Variants in LPCAT1 observed in about 807,000 individuals in gnomAD.
The protein encoded by LPCAT1 is 1-acylglycerol-3-phosphate O-acyltransferase.
LPCAT1 carries 23 observed loss-of-function variants against 60.9 expected under a neutral mutation model. That is an observed-to-expected ratio of 0.38 (90% confidence interval 0.27 to 0.53). The LOEUF is 0.53. Ranked by LOEUF, LPCAT1 falls within the 20% of genes least tolerant of loss-of-function variation. The probability of loss-of-function intolerance (pLI) is 0.82; values close to 1 mark genes in which losing one functional copy is unlikely to be tolerated. For synonymous variants in LPCAT1, 340 were observed against 301.1 expected (o/e 1.13, Z -1.34); for missense variants, 622 against 723.6 (o/e 0.86, Z 1.61).
At chr5:1,514,086 C>A (rs1235294705) in intron 1 of LPCAT1, among the ~76,000 whole-genome samples, 2 of 152,232 alleles carry the variant, frequency 1.3e-5, no homozygotes, top group Non-Finnish European at 2.9e-5. Flanking sequence ...CCAATGAGAA[C>A]GGGGCCAGAT....
At chr5:1,511,694 T>C (rs528244736) in intron 1 of LPCAT1, among the ~76,000 whole-genome samples, 1 of 152,348 alleles carries the variant, frequency 6.6e-6, no homozygotes, top group East Asian at 1.9e-4. Flanking sequence ...ACAGAGCTGC[T>C]TCCTGCAGAC....
chr5:1,488,365 A>T, intron 5 of LPCAT1, 26 bp downstream of exon 5: 7 of 1,464,712 alleles, frequency 4.8e-6, no homozygotes, highest in Non-Finnish European at 6.6e-6. Context: ...CTAGGAGAAA[A>T]ATAAACATTT....
Position 1,474,262 on chromosome 5 carries a change from C to G in LPCAT1, c.1026-152G>C, listed in dbSNP as rs552463556. The G allele has an allele frequency of 5.2e-6, 5 of 953,344 alleles. No individual in the cohort carries two copies. The South Asian group carries it at 7.0e-5, about 13-fold the overall frequency. The allele number at this position is 953,344 out of a possible 1,614,324, so 59.1% of individuals were successfully genotyped here. On this transcript the variant is annotated intron_variant, in intron 10 of 13. Coordinates refer to ENST00000283415, the MANE Select transcript of LPCAT1 (RefSeq NM_024830.5). ...AAGGCATTCTCCTAATTGGAAGGTG[C>G]GAGATGTGTTCTGTCCAAGTGTCAA...
intron 3 of LPCAT1, among the ~76,000 whole-genome samples, chr5:1,490,168 A>C (rs1342474593): frequency 6.6e-6 from 1 of 152,204 alleles, no homozygotes; most frequent in Non-Finnish European, 1.5e-5. Flanking sequence ...AGGAAGCAGA[A>C]AGTCTTTAGA....
Position 1,481,800 on chromosome 5 carries a change from G to A in LPCAT1, c.727-824C>T, listed in dbSNP as rs1009706148. Among the ~76,000 whole-genome samples the A allele has an allele frequency of 6.6e-6, 1 of 152,258 alleles. No individual in the cohort carries two copies. Among genetic ancestry groups the A allele is most frequent in the African/African-American group, 2.4e-5 (1 of 41,468 alleles). On this transcript the variant is annotated intron_variant, in intron 6 of 13. Transcript: ENST00000283415. The surrounding 1 kb of genome is among the most constrained non-coding windows in gnomAD (Gnocchi z 7.8). ...CCAGGAGCCTGGCTGACAAACGCAC[G>A]CCTCAGTAAGAAGGAAGAGGTCTTT...
chr5:1,488,975 G>A (rs1735470237), intron 4 of LPCAT1, among the ~76,000 whole-genome samples: 1 of 152,212 alleles, frequency 6.6e-6, no homozygotes, highest in Admixed American at 6.5e-5. Flanking sequence ...CAATTCCTCT[G>A]ACTCACACTG....
intron 2 of LPCAT1, among the ~76,000 whole-genome samples, chr5:1,498,943 CCT>C (rs1735909220): frequency 7.0e-6 from 1 of 142,398 alleles, no homozygotes; most frequent in African/African-American, 2.5e-5. Context: ...ACATACACAC[CCT>C]CTCTGCACAC....
chr5:1,494,662 G>T (rs1316794287), intron 3 of LPCAT1, 38 bp downstream of exon 3: 1 of 1,580,914 alleles, frequency 6.3e-7, no homozygotes, highest in Non-Finnish European at 8.7e-7. Flanking sequence ...TCCCAGCAGG[G>T]CAGGGTCCCT....
In LPCAT1 at chr5:1,481,992, C is replaced by T. The variant is rs192952147; in HGVS notation, c.727-1016G>A. Among the ~76,000 whole-genome samples the T allele has an allele frequency of 3.3e-5, 5 of 152,340 alleles. No homozygotes were observed. The highest frequency in any genetic ancestry group is 6.5e-5 in the Admixed American group (1 of 15,308). On this transcript the variant is annotated intron_variant, in intron 6 of 13. Coordinates refer to ENST00000283415, the MANE Select transcript of LPCAT1 (RefSeq NM_024830.5). The surrounding 1 kb of genome is among the most constrained non-coding windows in gnomAD (Gnocchi z 7.8). The stretch of plus-strand genomic sequence containing the variant: ...TTCTGCCCCACTATGTCCTGACCCA[C>T]GGGGGTTTTCTTTCAGTGCTTTCCT...
intron 3 of LPCAT1, among the ~76,000 whole-genome samples, chr5:1,492,775 C>T (rs1215265766): frequency 1.3e-5 from 2 of 152,162 alleles, no homozygotes; most frequent in Non-Finnish European, 2.9e-5. Flanking sequence ...AACACTCCTT[C>T]GTGTTGGTGA....
intron 1 of LPCAT1, among the ~76,000 whole-genome samples, chr5:1,511,259 C>T (rs769351051): frequency 6.6e-6 from 1 of 152,218 alleles, no homozygotes; most frequent in African/African-American, 2.4e-5. Flanking sequence ...GTTGACCTCC[C>T]CGGCGCGCGC....
chr5:1,483,566 G>A lies in LPCAT1; in HGVS notation c.668-80C>T. 1 of 1,461,296 alleles carries A rather than the reference G, an allele frequency of 6.8e-7. No homozygotes were observed. Among genetic ancestry groups the A allele is most frequent in the Non-Finnish European group, 9.5e-7 (1 of 1,052,250 alleles). 90.5% of individuals were successfully genotyped at this position (1,461,296 alleles called of 1,614,324 possible). A position where few individuals can be genotyped will look rare whatever the true frequency, so the allele number is the denominator to read the frequency against. On this transcript the variant is annotated intron_variant, in intron 5 of 13. Transcript: ENST00000283415. The surrounding 1 kb of genome is among the most constrained non-coding windows in gnomAD (Gnocchi z 9.2). ...TGCTGCGTTTCTCATGCTGCCCTTG[G>A]GATAAAAGTGAGCTTTTCTGTCTAG...
intron 4 of LPCAT1, among the ~76,000 whole-genome samples, chr5:1,488,956 C>T (rs867052263): frequency 6.6e-6 from 1 of 152,240 alleles, no homozygotes; most frequent in Non-Finnish European, 1.5e-5. Flanking sequence ...ACCCTCCACA[C>T]CGGGGTTTCA....
At chr5:1,497,851 C>A (rs1735850391) in intron 2 of LPCAT1, among the ~76,000 whole-genome samples, 1 of 152,234 alleles carries the variant, frequency 6.6e-6, no homozygotes, top group South Asian at 2.1e-4. Context: ...GGGCACCATC[C>A]ATCTGAACCA....
chr5:1,513,308 C>G (rs61433796), intron 1 of LPCAT1, among the ~76,000 whole-genome samples: 10,699 of 152,190 alleles, frequency 0.07, 1,235 homozygotes, highest in African/African-American at 0.24. Flanking sequence ...CTACATATGA[C>G]GTCCCCCATG....
At chr5:1,472,807 G>A (rs1027867157) in intron 11 of LPCAT1, among the ~76,000 whole-genome samples, 5 of 152,080 alleles carry the variant, frequency 3.3e-5, no homozygotes, top group Admixed American at 1.3e-4. Context: ...GGCCCCTTAC[G>A]GACACTAGGC....
In LPCAT1 at chr5:1,486,105, T is replaced by C. The variant is rs542610523; in HGVS notation, c.667+2286A>G. ...GGTACCCAGTCAGCCGATCCTGCTC[T>C]AGTGCCCTCTGACAAGGAGGGTGAG... is the stretch of plus-strand genomic sequence containing the variant. On this transcript the variant is annotated intron_variant, in intron 5 of 13. Transcript: ENST00000283415. Among the ~76,000 whole-genome samples, 14 of 152,270 alleles carry C rather than the reference T, an allele frequency of 9.2e-5. 1 individual carries two copies. The highest frequency in any genetic ancestry group is 3.4e-4 in the African/African-American group (14 of 41,558).
rs1352768085 is a variant in LPCAT1 at position 1,501,570 on chromosome 5, G to A, written c.169C>T (p.Arg57Trp). 2 of 1,613,908 alleles carry A rather than the reference G, an allele frequency of 1.2e-6. No individual in the cohort carries two copies. Among genetic ancestry groups the A allele is most frequent in the Non-Finnish European group, 1.7e-6 (2 of 1,179,878 alleles). ...ATCATGGCAGCGGCAACCAGGAGCC[G>A]GACCGGGAAGAGCGTCAGTGTCATG... Reference protein sequence around the residue: ...ALMTLTLFPVRLLVAAAMMLL... With the variant: ...ALMTLTLFPVWLLVAAAMMLL... Residue 57 changes from arginine (R) to tryptophan (W), a missense_variant, in exon 2 of 14, where the codon CGG (arginine) becomes TGG (tryptophan). Physicochemically the swap from Arg to Trp is moderately radical, Grantham distance 101. Around this residue, in one of 3 missense-constraint regions of LPCAT1, gnomAD observed 125 missense variants for 114.5 expected, o/e 1.09. Coordinates refer to ENST00000283415, the MANE Select transcript of LPCAT1 (RefSeq NM_024830.5).
Position 1,477,309 on chromosome 5 carries a change from T to G in LPCAT1, c.899+95A>C, listed in dbSNP as rs1001220169. 1 of 1,049,988 alleles carries G rather than the reference T, an allele frequency of 9.5e-7. No homozygotes were observed. Among genetic ancestry groups the G allele is most frequent in the African/African-American group, 1.6e-5 (1 of 63,304 alleles). 65.0% of individuals were successfully genotyped at this position (1,049,988 alleles called of 1,614,324 possible). A position where few individuals can be genotyped will look rare whatever the true frequency, so the allele number is the denominator to read the frequency against. ...GTTCCCGCACTTCTGCAAGAATGCC[T>G]TTTCCTAACGCTGTTGCCTATTTTA... is the stretch of plus-strand genomic sequence containing the variant. On this transcript the variant is annotated intron_variant, in intron 9 of 13. Coordinates refer to ENST00000283415, the MANE Select transcript of LPCAT1 (RefSeq NM_024830.5). This position sits in a 1 kb window ranked among gnomAD's most constrained non-coding sequence, Gnocchi z 6.0.
Sources: allele counts gnomAD v4.1 joint callset (sites outside exome capture counted in the v4.1 genomes callset), GRCh38; gene constraint gnomAD v4.1.1; regional missense constraint gnomAD v4.1.1; non-coding constraint Gnocchi (gnomAD v3.1); transcripts MANE v1.5; gene names NCBI Gene and HGNC (gene_info 2026-07-23, HGNC 2026-07-21).